The following MAP2K3 variants were observed in gnomAD, a reference collection of about 807,000 sequenced individuals.
The protein encoded by MAP2K3 is mitogen-activated protein kinase kinase 3, also known as dual specificity mitogen-activated protein kinase kinase 3.
In MAP2K3, 30 loss-of-function variants were observed where a neutral mutation model predicts 46.4. That is an observed-to-expected ratio of 0.65 (90% CI 0.48 to 0.88). The LOEUF is 0.88. Among genes scored for constraint, MAP2K3 ranks in the 40% least tolerant of loss-of-function variants. The pLI is 0.00. For synonymous variants in MAP2K3, 189 were observed against 176.3 expected, an observed-to-expected ratio of 1.07 and a Z score of -0.57; for missense variants, 380 against 464.5, an observed-to-expected ratio of 0.82 and a Z score of 1.67.
chr17:21,312,407 G>T, intron 10 of MAP2K3, 126 bp downstream of exon 10: 2 of 996,216 alleles, frequency 2.0e-6, no homozygotes, highest in South Asian at 2.0e-5. Flanking sequence ...ATCCAAATAT[G>T]TAAGGCAGAA....
At chr17:21,298,856 A>G (rs777864307) in intron 2 of MAP2K3, 22 bp from the exon 3 acceptor site, 5 of 1,614,294 alleles carry the variant, frequency 3.1e-6, no homozygotes, top group East Asian at 2.2e-5. Context: ...TCTGAAGCTC[A>G]CGGAGTCTTC....
intron 1 of MAP2K3, 126 bp from the exon 2 acceptor site, chr17:21,298,287 G>C (rs1056101458): frequency 7.3e-7 from 1 of 1,375,590 alleles, no homozygotes; most frequent in African/African-American, 1.4e-5. Context: ...TGGAGAGAGG[G>C]GGCTCCCGGC....
chr17:21,304,272 A>C (rs1976765645), intron 7 of MAP2K3, among the ~76,000 whole-genome samples, 154 bp from the exon 8 acceptor site: 4 of 152,420 alleles, frequency 2.6e-5, no homozygotes, highest in African/African-American at 9.6e-5. Context: ...CCCTGGTCTG[A>C]CCCTTGGGAC....
Position 21,315,030 on chromosome 17 carries a change from T to G in MAP2K3, c.*800T>G, listed in dbSNP as rs576837616. The stretch of plus-strand genomic sequence containing the variant: ...TCCAGTGGGAGGGGCCCAAGATCTC[T>G]GCTCAGAGAAGTGCAGGGGGAGCCT... On this transcript the variant is annotated 3_prime_UTR_variant, in exon 12 of 12. Coordinates refer to ENST00000342679, the MANE Select transcript of MAP2K3 (RefSeq NM_145109.3). 1.3e-5 allele frequency: 2 copies of G among 152,778 alleles called. No homozygotes were observed. The highest frequency in any genetic ancestry group is 4.1e-4 in the South Asian group (2 of 4,830). 9.5% of individuals were successfully genotyped at this position (152,778 alleles called of 1,614,324 possible).
chr17:21,298,637 G>C (rs1281591845), intron 2 of MAP2K3, among the ~76,000 whole-genome samples, 158 bp downstream of exon 2: 4 of 152,426 alleles, frequency 2.6e-5, no homozygotes, highest in African/African-American at 9.6e-5. Context: ...GCTGCTGGGG[G>C]TTCATGCAGC....
intron 1 of MAP2K3, among the ~76,000 whole-genome samples, chr17:21,294,568 C>T (rs763635078): frequency 2.0e-5 from 3 of 152,308 alleles, no homozygotes; most frequent in Non-Finnish European, 4.4e-5. Flanking sequence ...GACAGACCTG[C>T]CTTTATGGCC....
chr17:21,310,413 T>A (rs561996906), intron 9 of MAP2K3, among the ~76,000 whole-genome samples: 1 of 152,364 alleles, frequency 6.6e-6, no homozygotes, highest in South Asian at 2.1e-4. Context: ...GTTGTTTCCC[T>A]TGTTCCTGCT....
chr17:21,314,208 A>G lies in MAP2K3; in HGVS notation c.1022A>G (p.Glu341Gly). The G allele has an allele frequency of 6.2e-7, 1 of 1,614,032 alleles. No homozygotes were observed. Among genetic ancestry groups the G allele is most frequent in the Non-Finnish European group, 8.5e-7 (1 of 1,179,962 alleles). The stretch of plus-strand genomic sequence containing the variant: ...ACGGACATTGCTGCCTTCGTGAAGG[A>G]GATCCTGGGAGAAGACTCATAGGGG... ...KKTDIAAFVK[E>G]ILGEDS Residue 341 changes from glutamate to glycine, a missense_variant, in exon 12 of 12, where the codon GAG becomes GGG. Physicochemically the swap from Glu to Gly is moderately conservative, Grantham distance 98 (BLOSUM62 -2). Transcript: ENST00000342679.
At chr17:21,284,990 C>T in intron 1 of MAP2K3, 21 bp downstream of exon 1, 1 of 1,603,306 alleles carries the variant, frequency 6.2e-7, no homozygotes, top group Non-Finnish European at 8.5e-7. Context: ...CCGGCCGGGA[C>T]CTCGGCCTGA....
At chr17:21,298,621 G>A (rs1333474349) in intron 2 of MAP2K3, 142 bp downstream of exon 2, 8 of 1,397,174 alleles carry the variant, frequency 5.7e-6, no homozygotes, top group Non-Finnish European at 8.1e-6. Flanking sequence ...ATACAGCCAG[G>A]TGACGGCTGC....
At chr17:21,299,957 G>A (rs1007608755) in intron 3 of MAP2K3, among the ~76,000 whole-genome samples, 6 of 152,414 alleles carry the variant, frequency 3.9e-5, no homozygotes, top group Admixed American at 1.3e-4. Context: ...ATTCCAGCCT[G>A]GGTGACGAGA....
intron 6 of MAP2K3, among the ~76,000 whole-genome samples, chr17:21,302,633 G>A (rs1445870264): frequency 1.3e-5 from 2 of 152,308 alleles, no homozygotes; most frequent in African/African-American, 4.8e-5. Flanking sequence ...TGGGGGAAAG[G>A]TTAGCATCCA....
At chr17:21,291,686 A>G (rs1975948810) in intron 1 of MAP2K3, 1 of 425,862 alleles carries the variant, frequency 2.3e-6, no homozygotes. Context: ...CACCGATCTG[A>G]CCCCTTTTGT....
rs1457588419 is a variant in MAP2K3 at position 21,298,986 on chromosome 17, T to A, written c.165+60T>A. 1.9e-6 allele frequency: 3 copies of A among 1,612,026 alleles called. No individual in the cohort carries two copies. The Admixed American group carries it at 5.0e-5, about 27-fold the overall frequency. On this transcript the variant is annotated intron_variant, in intron 3 of 11. Transcript: ENST00000342679. ...ACTTCACCTGACGAGCGGGTAGAGCTGACCCTGCAGGGCCACTTTGGGGGG... is the reference window on the plus strand; with the variant it reads ...ACTTCACCTGACGAGCGGGTAGAGCAGACCCTGCAGGGCCACTTTGGGGGG...
rs1217499423 is a variant in MAP2K3 at position 21,304,318 on chromosome 17, G to A, written c.569-108G>A. 8.2e-6 allele frequency: 13 copies of A among 1,577,566 alleles called. No individual in the cohort carries two copies. In the East Asian group the frequency reaches 9.0e-5, roughly 11 times the overall value. ...CCTGCCCACTGGGGCATGGGAGGGG[G>A]CACAGGAGGGGTCTTGGGCGAGGGA... On this transcript the variant is annotated intron_variant, in intron 7 of 11. Transcript: ENST00000342679.
intron 1 of MAP2K3, among the ~76,000 whole-genome samples, chr17:21,286,499 A>G (rs969021892): frequency 4.6e-5 from 7 of 152,148 alleles, no homozygotes; most frequent in African/African-American, 1.7e-4. Flanking sequence ...GGGAGGCCGG[A>G]TCCCTGACCA....
chr17:21,303,137 G>T (rs928573871), intron 6 of MAP2K3, 46 bp from the exon 7 acceptor site: 1 of 1,613,280 alleles, frequency 6.2e-7, no homozygotes, highest in Non-Finnish European at 8.5e-7. Flanking sequence ...ACGTGACCAG[G>T]AATAACAGAG....
At chr17:21,297,197 G>A (rs563870746) in intron 1 of MAP2K3, among the ~76,000 whole-genome samples, 105 of 103,594 alleles carry the variant, frequency 1.0e-3, no homozygotes, top group African/African-American at 3.0e-3. Flanking sequence ...CTCTGAGATG[G>A]GGCCACAAGT....
chr17:21,285,808 T>C (rs543201079), intron 1 of MAP2K3, among the ~76,000 whole-genome samples: 1 of 152,226 alleles, frequency 6.6e-6, no homozygotes, highest in South Asian at 2.1e-4. Flanking sequence ...CTTCTCCAAG[T>C]AGCTGGCCTT....
Sources: gnomAD v4.1 joint callset for allele counts (sites outside exome capture counted in the v4.1 genomes callset) on GRCh38, gnomAD v4.1.1 for gene constraint, MANE v1.5 for transcripts, NCBI Gene and HGNC (gene_info 2026-07-23, HGNC 2026-07-21) for gene names.